Variants in KCTD8 observed in about 807,000 individuals in gnomAD.
KCTD8 encodes the protein BTB/POZ domain-containing protein KCTD8.
Under a neutral mutation model 31.5 loss-of-function variants are expected in KCTD8, and 27 were observed. The ratio of observed to expected loss-of-function variants is 0.86; its 90% CI spans 0.63 to 1.18. The LOEUF is 1.18. Ranked by LOEUF, KCTD8 falls within the 50% of genes most tolerant of loss-of-function variation. The pLI, the probability that KCTD8 is intolerant of heterozygous loss-of-function variation, is 0.00. For synonymous variants in KCTD8, 290 were observed against 280.0 expected, an observed-to-expected ratio of 1.04 and a Z score of -0.36; for missense variants, 658 against 647.7, an observed-to-expected ratio of 1.02 and a Z score of -0.17.
At chr4:44,331,865 G>A (rs1262128587) in intron 1 of KCTD8, among the ~76,000 whole-genome samples, 2 of 150,348 alleles carry the variant, frequency 1.3e-5, no homozygotes, top group Non-Finnish European at 3.0e-5. Flanking sequence ...TGTATGTGGA[G>A]CTATATATAT....
chr4:44,272,878 T>C (rs1716653460), intron 1 of KCTD8, among the ~76,000 whole-genome samples: 1 of 152,046 alleles, frequency 6.6e-6, no homozygotes, highest in Non-Finnish European at 1.5e-5. Context: ...AAAACATAAA[T>C]TCTTTTTCTC....
At chr4:44,230,699 G>A in intron 1 of KCTD8, among the ~76,000 whole-genome samples, 1 of 152,172 alleles carries the variant, frequency 6.6e-6, no homozygotes, top group East Asian at 1.9e-4. Context: ...GGGCCTCTCA[G>A]CTAGCACCTA....
chr4:44,395,833 C>A (rs1720490185), intron 1 of KCTD8, among the ~76,000 whole-genome samples: 1 of 152,158 alleles, frequency 6.6e-6, no homozygotes, highest in South Asian at 2.1e-4. Context: ...CAGTATCAAT[C>A]CCACTATATA....
At chr4:44,322,595 A>G (rs74460836) in intron 1 of KCTD8, among the ~76,000 whole-genome samples, 4,516 of 152,034 alleles carry the variant, frequency 0.03, 287 homozygotes, top group African/African-American at 0.1. Flanking sequence ...AGCTTGATAT[A>G]ATACCATTTG....
intron 1 of KCTD8, among the ~76,000 whole-genome samples, chr4:44,186,379 C>T (rs914482564): frequency 1.3e-5 from 2 of 152,186 alleles, no homozygotes; most frequent in African/African-American, 4.8e-5. Flanking sequence ...TTCCAACACT[C>T]AGTAAAAACT....
chr4:44,292,091 A>G (rs1717298249), intron 1 of KCTD8, among the ~76,000 whole-genome samples: 2 of 152,238 alleles, frequency 1.3e-5, no homozygotes, highest in South Asian at 4.2e-4. Flanking sequence ...AAGAACGTGA[A>G]GTCCCATTCA....
chr4:44,401,366 C>T (rs78469492), intron 1 of KCTD8, among the ~76,000 whole-genome samples: 2 of 151,920 alleles, frequency 1.3e-5, no homozygotes, highest in African/African-American at 2.4e-5. Flanking sequence ...TTCCCTGATG[C>T]GCATCTTCTT....
chr4:44,301,214 T>C (rs1472681235), intron 1 of KCTD8, among the ~76,000 whole-genome samples: 1 of 152,190 alleles, frequency 6.6e-6, no homozygotes, highest in Non-Finnish European at 1.5e-5. Flanking sequence ...TAAGTTATAG[T>C]CCTTTGGGTA....
At chr4:44,318,627 T>C (rs1040604789) in intron 1 of KCTD8, among the ~76,000 whole-genome samples, 3 of 152,068 alleles carry the variant, frequency 2.0e-5, no homozygotes, top group African/African-American at 7.2e-5. Context: ...TTAACTGACA[T>C]AGTGAGGGAA....
chr4:44,284,043 C>A (rs1421200274), intron 1 of KCTD8, among the ~76,000 whole-genome samples: 1 of 152,098 alleles, frequency 6.6e-6, no homozygotes, highest in Non-Finnish European at 1.5e-5. Flanking sequence ...GTGAAAATGA[C>A]CTTACTGCCC....
intron 1 of KCTD8, among the ~76,000 whole-genome samples, chr4:44,296,181 G>A (rs1198288261): frequency 6.6e-6 from 1 of 152,140 alleles, no homozygotes; most frequent in African/African-American, 2.4e-5. Flanking sequence ...CATACAGCAT[G>A]AAATAATTTA....
intron 1 of KCTD8, among the ~76,000 whole-genome samples, chr4:44,409,846 A>G (rs1002993508): frequency 1.2e-5 from 1 of 86,094 alleles, no homozygotes; most frequent in East Asian, 5.1e-4. Flanking sequence ...GGAAAACAGA[A>G]AAAAAAAAAC....
intron 1 of KCTD8, among the ~76,000 whole-genome samples, chr4:44,269,425 A>G (rs1228502950): frequency 2.0e-5 from 3 of 151,490 alleles, no homozygotes; most frequent in African/African-American, 4.9e-5. Context: ...TAGACCTAAA[A>G]CCATAAAAAC....
intron 1 of KCTD8, among the ~76,000 whole-genome samples, chr4:44,395,447 A>C (rs1411277695): frequency 6.6e-6 from 1 of 152,110 alleles, no homozygotes; most frequent in Non-Finnish European, 1.5e-5. Context: ...CTAGGACCTC[A>C]TTATATGCTC....
intron 1 of KCTD8, among the ~76,000 whole-genome samples, chr4:44,279,965 G>T (rs1716859185): frequency 6.6e-6 from 1 of 151,916 alleles, no homozygotes; most frequent in Non-Finnish European, 1.5e-5. Context: ...GTTTACTTTA[G>T]TATTTTTCCT....
At chr4:44,394,223 T>A (rs566226448) in intron 1 of KCTD8, among the ~76,000 whole-genome samples, 12 of 152,148 alleles carry the variant, frequency 7.9e-5, no homozygotes, top group African/African-American at 2.6e-4. Context: ...AGCTTTCACA[T>A]CCATCGCCTC....
chr4:44,177,720 C>T (rs1057255452), intron 1 of KCTD8, among the ~76,000 whole-genome samples: 9 of 152,164 alleles, frequency 5.9e-5, no homozygotes, highest in African/African-American at 2.2e-4. Flanking sequence ...TCATGTGGAA[C>T]TTTAAGTCAA....
chr4:44,186,519 G>T (rs1452116949), intron 1 of KCTD8, among the ~76,000 whole-genome samples: 2 of 152,150 alleles, frequency 1.3e-5, no homozygotes, highest in African/African-American at 4.8e-5. Flanking sequence ...AACACATGCC[G>T]CCTACAGATG....
At chr4:44,192,779 T>C (rs1713804714) in intron 1 of KCTD8, among the ~76,000 whole-genome samples, 1 of 152,064 alleles carries the variant, frequency 6.6e-6, no homozygotes, top group African/African-American at 2.4e-5. Flanking sequence ...CCACCCACAA[T>C]CCAGGTGGGC....
Sources: allele counts gnomAD v4.1 joint callset (sites outside exome capture counted in the v4.1 genomes callset), GRCh38; gene constraint gnomAD v4.1.1; transcripts MANE v1.5; gene names NCBI Gene and HGNC (gene_info 2026-07-23, HGNC 2026-07-21).